ANKRD10: variants seen among roughly 807,000 people sequenced by gnomAD.
ANKRD10 encodes the protein ankyrin repeat domain-containing protein 10.
In ANKRD10, 14 loss-of-function variants were observed where a neutral mutation model predicts 27.0. The ratio of observed to expected loss-of-function variants is 0.52; its 90% CI spans 0.34 to 0.81. ANKRD10 has a LOEUF of 0.81. Ranked by LOEUF, ANKRD10 falls within the 40% of genes least tolerant of loss-of-function variation. The pLI is 0.01. For missense variants in ANKRD10, 493 were observed against 544.0 expected (o/e 0.91, Z 0.93); for synonymous variants, 250 against 224.5 (o/e 1.11, Z -1.01).
chr13:110,884,151 A>G (rs1024380155), intron 4 of ANKRD10, among the ~76,000 whole-genome samples: 1 of 152,114 alleles, frequency 6.6e-6, no homozygotes, highest in Non-Finnish European at 1.5e-5. Flanking sequence ...TACTAAGACA[A>G]TTCTTAAATT....
chr13:110,905,169 T>C (rs1178849165), intron 3 of ANKRD10: 1 of 152,242 alleles, frequency 6.6e-6, no homozygotes, highest in Non-Finnish European at 1.5e-5. Context: ...TTGGTTATTA[T>C]AGCTCTATAG....
intron 3 of ANKRD10, among the ~76,000 whole-genome samples, chr13:110,901,539 T>C (rs2065380387): frequency 6.6e-6 from 1 of 152,236 alleles, no homozygotes; most frequent in African/African-American, 2.4e-5. Flanking sequence ...GTAAGGAAAT[T>C]ATTAAAATCT....
chr13:110,894,111 T>G, intron 3 of ANKRD10: 1 of 1,603,536 alleles, frequency 6.2e-7, no homozygotes, highest in Non-Finnish European at 8.5e-7. Flanking sequence ...TTGTAAACCT[T>G]TAGACACTGA....
At chr13:110,906,320 T>C (rs533993157) in intron 2 of ANKRD10, among the ~76,000 whole-genome samples, 196 bp from the exon 3 acceptor site, 6 of 152,248 alleles carry the variant, frequency 3.9e-5, no homozygotes, top group East Asian at 1.9e-4. Flanking sequence ...GGCCAAGATA[T>C]TTGGTCGTTG....
chr13:110,898,306 G>C (rs1379936829), intron 3 of ANKRD10, among the ~76,000 whole-genome samples: 1 of 152,054 alleles, frequency 6.6e-6, no homozygotes, highest in Admixed American at 6.5e-5. Flanking sequence ...AAATAATTTG[G>C]GTTTCCAAGT....
rs537944223 is a variant in ANKRD10, at chr13:110,890,283, A to C, written c.691+2745T>G. 1.9e-3 allele frequency among the ~76,000 whole-genome samples: 296 copies of C among 152,258 alleles called. 1 individual carries two copies. Among genetic ancestry groups the C allele is most frequent in the Non-Finnish European group, 3.7e-3 (254 of 68,008 alleles). On this transcript the variant is annotated intron_variant, in intron 4 of 5. Coordinates refer to ENST00000267339, the MANE Select transcript of ANKRD10 (RefSeq NM_017664.4). Reference sequence around the variant, plus strand: ...GTAGAACATTCAGGTAATTGGCAGAAAAAAAAATCCTGTTTTAATGACCAA... The same window carrying C: ...GTAGAACATTCAGGTAATTGGCAGACAAAAAAATCCTGTTTTAATGACCAA...
intron 4 of ANKRD10, among the ~76,000 whole-genome samples, chr13:110,892,176 A>G (rs886401800): frequency 1.3e-5 from 2 of 150,260 alleles, no homozygotes; most frequent in African/African-American, 4.9e-5. Flanking sequence ...TCATGCCTGT[A>G]ATCCCAGCAC....
At chr13:110,910,059 T>A (rs958731152) in intron 2 of ANKRD10, among the ~76,000 whole-genome samples, 1 of 152,112 alleles carries the variant, frequency 6.6e-6, no homozygotes, top group Non-Finnish European at 1.5e-5. Context: ...GCGTGTGTGT[T>A]TGGTTTAGGT....
At chr13:110,887,479 C>A (rs1415315401) in intron 4 of ANKRD10, among the ~76,000 whole-genome samples, 1 of 152,146 alleles carries the variant, frequency 6.6e-6, no homozygotes, top group Non-Finnish European at 1.5e-5. Context: ...CCAGGCATGC[C>A]TGCAGATACA....
At chr13:110,883,827 TTGTC>T (rs778990554) in intron 4 of ANKRD10, 34 bp from the exon 5 acceptor site, 8 of 1,610,470 alleles carry the variant, frequency 5.0e-6, no homozygotes, top group East Asian at 2.2e-5. Flanking sequence ...TCAGATTCCT[TTGTC>T]TGTAACAAGA....
chr13:110,902,795 G>C lies in ANKRD10; in HGVS notation c.455+3238C>G, dbSNP rs2065421346. On this transcript the variant is annotated intron_variant, in intron 3 of 5. Coordinates refer to ENST00000267339, the MANE Select transcript of ANKRD10 (RefSeq NM_017664.4). Reference sequence around the variant, plus strand: ...ACGGACCTACAAATCTGCCTGAGATGCAAGTCATGCTGGTTTCATTCTAAA... The same window carrying C: ...ACGGACCTACAAATCTGCCTGAGATCCAAGTCATGCTGGTTTCATTCTAAA... Among the ~76,000 whole-genome samples the C allele has an allele frequency of 2.0e-5, 3 of 152,284 alleles. No homozygotes were observed. In the East Asian group the frequency reaches 5.8e-4, roughly 29 times the overall value.
chr13:110,907,799 A>T (rs2065580054), intron 2 of ANKRD10, among the ~76,000 whole-genome samples: 1 of 152,214 alleles, frequency 6.6e-6, no homozygotes, highest in African/African-American at 2.4e-5. Flanking sequence ...ATAAAGACAA[A>T]TAAAAATTAC....
chr13:110,890,281 GA>G (rs995551474), intron 4 of ANKRD10, among the ~76,000 whole-genome samples: 6 of 151,210 alleles, frequency 4.0e-5, no homozygotes, highest in African/African-American at 9.7e-5. Context: ...GTAATTGGCA[GA>G]AAAAAAAATC....
chr13:110,892,781 G>A (rs964312206), intron 4 of ANKRD10: 2 of 1,219,234 alleles, frequency 1.6e-6, no homozygotes, highest in Admixed American at 4.0e-5. Context: ...GTAAACATGG[G>A]TGCTCAAAAA....
At chr13:110,889,154 T>C (rs1051585963) in intron 4 of ANKRD10, among the ~76,000 whole-genome samples, 2 of 152,232 alleles carry the variant, frequency 1.3e-5, no homozygotes, top group African/African-American at 4.8e-5. Flanking sequence ...TGTATTGGGT[T>C]ATTCCTGAAG....
intron 3 of ANKRD10, among the ~76,000 whole-genome samples, chr13:110,897,111 T>G (rs67357970): frequency 0.095 from 14,493 of 151,966 alleles, 846 homozygotes; most frequent in South Asian, 0.15. Context: ...ACACTAGAAT[T>G]TATCTTTCCA....
chr13:110,912,062 T>C (rs927775641), intron 1 of ANKRD10, among the ~76,000 whole-genome samples: 4 of 152,250 alleles, frequency 2.6e-5, no homozygotes, highest in African/African-American at 9.6e-5. Context: ...AATACCATGA[T>C]AGCCTCTGGC....
intron 2 of ANKRD10, among the ~76,000 whole-genome samples, chr13:110,910,183 C>T (rs145635860): frequency 1.7e-4 from 26 of 152,350 alleles, no homozygotes; most frequent in Non-Finnish European, 3.2e-4. Flanking sequence ...GTAAATGATA[C>T]TTAGCACTTA....
intron 2 of ANKRD10, among the ~76,000 whole-genome samples, chr13:110,908,735 G>C (rs2065607759): frequency 6.6e-6 from 1 of 152,108 alleles, no homozygotes; most frequent in African/African-American, 2.4e-5. Context: ...CATAACAAGA[G>C]GTGTTGAAAT....
Sources: allele counts gnomAD v4.1 joint callset (sites outside exome capture counted in the v4.1 genomes callset), GRCh38; gene constraint gnomAD v4.1.1; transcripts MANE v1.5; gene names NCBI Gene and HGNC (gene_info 2026-07-23, HGNC 2026-07-21).